The following ZMAT1 variants were observed in gnomAD, a reference collection of about 807,000 sequenced individuals.
The protein encoded by ZMAT1 is zinc finger matrin-type protein 1.
In ZMAT1, 11 loss-of-function variants were observed where a neutral mutation model predicts 18.5. That is an observed-to-expected ratio of 0.59 (90% CI 0.37 to 0.98). The LOEUF (loss-of-function observed/expected upper bound fraction) is 0.98. Ranked by LOEUF, ZMAT1 falls within the 50% of genes least tolerant of loss-of-function variation. ZMAT1 has a pLI of 0.01. For synonymous variants in ZMAT1, 211 were observed against 176.4 expected, an observed-to-expected ratio of 1.20 and a Z score of -1.55; for missense variants, 525 against 496.2, an observed-to-expected ratio of 1.06 and a Z score of -0.55.
chrX:101,930,557 TGAA>T (rs1930415417), intron 1 of ZMAT1, among the ~76,000 whole-genome samples: 2 of 112,337 alleles, frequency 1.8e-5, no homozygotes, highest in African/African-American at 3.2e-5. Context: ...TTTAAGAATG[TGAA>T]GAAGAGATTA....
chrX:101,887,783 T>C (rs2147578440), intron 4 of ZMAT1: 1 of 111,392 alleles, frequency 9.0e-6, no homozygotes, highest in South Asian at 3.8e-4. Context: ...AAAATATGAA[T>C]GAAATGTTCC....
intron 1 of ZMAT1, among the ~76,000 whole-genome samples, chrX:101,920,770 C>G (rs986575493): frequency 8.9e-6 from 1 of 111,753 alleles, no homozygotes. Flanking sequence ...CTATCACATC[C>G]AAACACATAG....
chrX:101,899,045 A>G, intron 2 of ZMAT1, among the ~76,000 whole-genome samples: 1 of 109,745 alleles, frequency 9.1e-6, no homozygotes, highest in Non-Finnish European at 1.9e-5. Flanking sequence ...CTCTGTCTCA[A>G]AAAAAAAATG....
intron 1 of ZMAT1, among the ~76,000 whole-genome samples, chrX:101,905,888 T>TA (rs747049552): frequency 0.035 from 1,661 of 47,911 alleles, 26 homozygotes; most frequent in African/African-American, 0.095. Context: ...GCCAAAAAAC[T>TA]AAAAAAAAAA....
rs186271317 is a variant in ZMAT1, at chrX:101,899,384, G to T, written c.400-1164C>A. 2.4e-3 allele frequency among the ~76,000 whole-genome samples: 265 copies of T among 111,100 alleles called. 1 individual carries two copies. Among genetic ancestry groups the T allele is most frequent in the African/African-American group, 8.3e-3 (254 of 30,540 alleles). On this transcript the variant is annotated intron_variant, in intron 2 of 5. Transcript: ENST00000651725. ...TGAGTAAGTTCTTTAGTGGTGATTT[G>T]TGAGGTTTTAGTGCACCCAGCACCC...
intron 4 of ZMAT1, among the ~76,000 whole-genome samples, chrX:101,895,312 A>G (rs1196991275): frequency 2.7e-5 from 3 of 111,230 alleles, no homozygotes; most frequent in African/African-American, 9.8e-5. Flanking sequence ...CCTTATGTAT[A>G]TACCTAAGGA....
At chrX:101,888,240 A>G (rs1236409395) in intron 4 of ZMAT1, 1 of 111,909 alleles carries the variant, frequency 8.9e-6, no homozygotes, top group Non-Finnish European at 1.9e-5. Context: ...GAGGCTGATC[A>G]TCTTGAAGAT....
Position 101,886,747 on chromosome X carries a change from G to A in ZMAT1, c.677-16C>T, listed in dbSNP as rs1328588092. ...ATACTAAATGCTGAAAAAACAAAGA[G>A]TTCAAGTTAAGAAGGTCAGTATAAA... On this transcript the variant is annotated splice_polypyrimidine_tract_variant and intron_variant, in intron 4 of 5. Transcript: ENST00000651725. The A allele has an allele frequency of 9.0e-7, 1 of 1,116,758 alleles. No homozygotes were observed. Among genetic ancestry groups the A allele is most frequent in the East Asian group, 3.0e-5 (1 of 33,211 alleles). The allele number at this position is 1,116,758 out of a possible 1,213,427, so 92.0% of individuals were successfully genotyped here. A position where few individuals can be genotyped will look rare whatever the true frequency, so the allele number is the denominator to read the frequency against.
Position 101,898,223 on chromosome X carries a change from G to T in ZMAT1, c.400-3C>A. On this transcript the variant is annotated splice_region_variant and splice_polypyrimidine_tract_variant and intron_variant, in intron 2 of 5. Transcript: ENST00000651725. ...ACATTTTGAGCATGTTTTTCACCCTGAAAAAAGATATAATATGACTTTGTT... is the reference window on the plus strand; with the variant it reads ...ACATTTTGAGCATGTTTTTCACCCTTAAAAAAGATATAATATGACTTTGTT... 8.4e-7 allele frequency: 1 copy of T among 1,192,297 alleles called. No homozygotes were observed. The highest frequency in any genetic ancestry group is 1.1e-6 in the Non-Finnish European group (1 of 880,487).
At chrX:101,912,140 A>C in intron 1 of ZMAT1, 1 of 799,618 alleles carries the variant, frequency 1.3e-6, no homozygotes, top group Non-Finnish European at 1.8e-6. Flanking sequence ...TCTAGATTTG[A>C]CTCAATCATA....
At chrX:101,920,283 CCTGCCTCTGCCT>C (rs999575098) in intron 1 of ZMAT1, among the ~76,000 whole-genome samples, 1 of 111,143 alleles carries the variant, frequency 9.0e-6, no homozygotes, top group Non-Finnish European at 1.9e-5. Context: ...AAATAATCTG[CCTGCCTCTGCCT>C]CTGCCTCCCA....
intron 1 of ZMAT1, among the ~76,000 whole-genome samples, chrX:101,929,417 G>A (rs1401477260): frequency 1.3e-3 from 47 of 36,923 alleles, no homozygotes; most frequent in African/African-American, 4.5e-3. Flanking sequence ...TATATATAGA[G>A]AGAGATTATA....
intron 1 of ZMAT1, among the ~76,000 whole-genome samples, chrX:101,905,937 G>C (rs1240521860): frequency 9.1e-6 from 1 of 109,727 alleles, no homozygotes; most frequent in Non-Finnish European, 1.9e-5. Context: ...CAGCACCTGG[G>C]TGTAGCACAG....
At chrX:101,922,245 TTGA>T (rs1198807440) in intron 1 of ZMAT1, among the ~76,000 whole-genome samples, 12 of 111,439 alleles carry the variant, frequency 1.1e-4, no homozygotes, top group African/African-American at 3.6e-4. Flanking sequence ...TGACATGAAT[TTGA>T]TGATGTCCAC....
At chrX:101,884,978 A>T (rs1200047876) in intron 5 of ZMAT1, among the ~76,000 whole-genome samples, 157 bp from the exon 6 acceptor site, 1 of 111,953 alleles carries the variant, frequency 8.9e-6, no homozygotes, top group Admixed American at 9.5e-5. Flanking sequence ...TAAATTGTGA[A>T]TTTTTATGTC....
chrX:101,911,747 G>T, intron 1 of ZMAT1: 1 of 1,209,702 alleles, frequency 8.3e-7, no homozygotes, highest in Non-Finnish European at 1.1e-6. Flanking sequence ...GAAACCCTAT[G>T]AATGTAACCA....
chrX:101,886,610 A>C (rs1194732383), intron 5 of ZMAT1, 22 bp downstream of exon 5: 2 of 1,124,077 alleles, frequency 1.8e-6, no homozygotes, highest in Non-Finnish European at 2.4e-6. Flanking sequence ...TATCATAGGA[A>C]AATTTTGGCA....
intron 4 of ZMAT1, 64 bp from the exon 5 acceptor site, chrX:101,886,795 T>C (rs1926986688): frequency 1.4e-6 from 1 of 722,802 alleles, no homozygotes; most frequent in Admixed American, 4.6e-5. Context: ...CACATAATGT[T>C]AGAACTGGAC....
intron 1 of ZMAT1, among the ~76,000 whole-genome samples, chrX:101,929,438 TATATA>T (rs1930313976): frequency 2.4e-5 from 2 of 82,531 alleles, no homozygotes; most frequent in African/African-American, 1.1e-4. Context: ...TATATATATA[TATATA>T]TATATATATA....
Sources: gnomAD v4.1 joint callset for allele counts (sites outside exome capture counted in the v4.1 genomes callset) on GRCh38, gnomAD v4.1.1 for gene constraint, MANE v1.5 for transcripts, NCBI Gene and HGNC (gene_info 2026-07-23, HGNC 2026-07-21) for gene names.